CCR2: variants seen among roughly 807,000 people sequenced by gnomAD.
CCR2 encodes the protein C-C chemokine receptor type 2.
For synonymous variants in CCR2, 183 were observed against 177.1 expected, an observed-to-expected ratio of 1.03 and a Z score of -0.27; for missense variants, 408 against 440.0, an observed-to-expected ratio of 0.93 and a Z score of 0.65.
At chr3:46,356,676 T>C (rs1449548370) in intron 1 of CCR2, among the ~76,000 whole-genome samples, 6 of 152,028 alleles carry the variant, frequency 3.9e-5, no homozygotes, top group Non-Finnish European at 7.4e-5. Flanking sequence ...TCCCAGCAAT[T>C]TGAGAGGCCA....
At position 46,358,273 on chromosome 3, in the gene CCR2, T is replaced by A. The variant is rs200491743; in HGVS notation, c.746T>A (p.Met249Lys). ...HRAVRVIFTI[M>K]IVYFLFWTPY... Reference sequence around the variant, plus strand: ...GCAGTGAGAGTCATCTTCACCATCATGATTGTTTACTTTCTCTTCTGGACT... The same window carrying A: ...GCAGTGAGAGTCATCTTCACCATCAAGATTGTTTACTTTCTCTTCTGGACT... The change falls in exon 2 of 2, where the codon ATG becomes AAG. Residue 249 changes from methionine (M) to lysine (K), a missense_variant. By Grantham distance (95) the Met-to-Lys change is moderately conservative. Transcript: ENST00000445132. 863 of 1,614,058 alleles carry A rather than the reference T, an allele frequency of 5.3e-4. No homozygotes were observed. The highest frequency in any genetic ancestry group is 6.7e-4 in the Non-Finnish European group (791 of 1,180,024).
intron 1 of CCR2, 60 bp from the exon 2 acceptor site, chr3:46,357,417 G>A (rs1701473200): frequency 1.7e-6 from 2 of 1,190,660 alleles, no homozygotes; most frequent in Non-Finnish European, 2.4e-6. Flanking sequence ...CAGACTATTT[G>A]GAAGATCATG....
In CCR2 at chr3:46,359,189, G is replaced by C; in HGVS notation, c.*579G>C. 1 of 1,004,864 alleles carries C rather than the reference G, an allele frequency of 1.0e-6. No individual in the cohort carries two copies. Among genetic ancestry groups the C allele is most frequent in the African/African-American group, 1.7e-5 (1 of 57,360 alleles). The allele number at this position is 1,004,864 out of a possible 1,614,324, so 62.2% of individuals were successfully genotyped here. On this transcript the variant is annotated 3_prime_UTR_variant, in exon 2 of 2. Transcript: ENST00000445132. ...GAGTTTGGGAACTGCAATAACCTGGGAGTTTTGGTGGAGTCCGATGATTCT... is the reference window on the plus strand; with the variant it reads ...GAGTTTGGGAACTGCAATAACCTGGCAGTTTTGGTGGAGTCCGATGATTCT...
At position 46,359,932 on chromosome 3, in the gene CCR2, A is replaced by C; in HGVS notation, c.*1322A>C. ...CACAGATGTGTGATTCACAGTGTGA[A>C]TCTTGGTGTCTACGTTACCAGGCAG... On this transcript the variant is annotated 3_prime_UTR_variant, in exon 2 of 2. Coordinates refer to ENST00000445132, the MANE Select transcript of CCR2 (RefSeq NM_001123396.4). 6.9e-7 allele frequency: 1 copy of C among 1,448,644 alleles called. No homozygotes were observed. The highest frequency in any genetic ancestry group is 9.5e-7 in the Non-Finnish European group (1 of 1,052,050). The allele number at this position is 1,448,644 out of a possible 1,614,324, so 89.7% of individuals were successfully genotyped here.
rs778916097 is a variant in CCR2, at chr3:46,359,772, C to T, written c.*1162C>T. 3.7e-6 allele frequency: 6 copies of T among 1,613,960 alleles called. No homozygotes were observed. Among genetic ancestry groups the T allele is most frequent in the Non-Finnish European group, 5.1e-6 (6 of 1,179,984 alleles). ...AGACCAGGAAAGAATGTGAAAGTGA[C>T]TACACAAGGACTCCTCGATGGTCGT... On this transcript the variant is annotated 3_prime_UTR_variant, in exon 2 of 2. Coordinates refer to ENST00000445132, the MANE Select transcript of CCR2 (RefSeq NM_001123396.4).
Position 46,357,883 on chromosome 3 carries a change from T to G in CCR2, c.356T>G (p.Leu119Arg), listed in dbSNP as rs113340633. 6.8e-6 allele frequency: 11 copies of G among 1,614,126 alleles called. No homozygotes were observed. Among genetic ancestry groups the G allele is most frequent in the Non-Finnish European group, 9.3e-6 (11 of 1,180,032 alleles). Residue 119 changes from leucine (L) to arginine (R), a missense_variant, in exon 2 of 2, where the codon CTG becomes CGG. Transcript: ENST00000445132. ...GCAATGTGCAAATTATTCACAGGGC[T>G]GTATCACATCGGTTATTTTGGCGGA... ...GNAMCKLFTG[L>R]YHIGYFGGIF...
Position 46,357,769 on chromosome 3 carries a change from T to C in CCR2, c.242T>C (p.Leu81Pro). 1.9e-6 allele frequency: 3 copies of C among 1,614,216 alleles called. No individual in the cohort carries two copies. Among genetic ancestry groups the C allele is most frequent in the Non-Finnish European group, 2.5e-6 (3 of 1,180,032 alleles). ...KKLKCLTDIY[L>P]LNLAISDLLF... ...CTGAAGTGCTTGACTGACATTTACC[T>C]GCTCAACCTGGCCATCTCTGATCTG... Residue 81 changes from leucine to proline, a missense_variant, in exon 2 of 2, where the codon CTG becomes CCG. Physicochemically the swap from Leu to Pro is moderately conservative, Grantham distance 98. Transcript: ENST00000445132.
chr3:46,359,113 A>G lies in CCR2; in HGVS notation c.*503A>G. 2.0e-6 allele frequency: 2 copies of G among 1,008,914 alleles called. No homozygotes were observed. The highest frequency in any genetic ancestry group is 2.4e-6 in the Non-Finnish European group (2 of 835,202). The allele number at this position is 1,008,914 out of a possible 1,614,324, so 62.5% of individuals were successfully genotyped here. A position where few individuals can be genotyped will look rare whatever the true frequency, so the allele number is the denominator to read the frequency against. Reference sequence around the variant, plus strand: ...CAGCCAGGAGATGATACTGGTCCTTAGCCCCATCTGCCACGTGTATTTAAC... The same window carrying G: ...CAGCCAGGAGATGATACTGGTCCTTGGCCCCATCTGCCACGTGTATTTAAC... On this transcript the variant is annotated 3_prime_UTR_variant, in exon 2 of 2. Transcript: ENST00000445132.
At position 46,358,435 on chromosome 3, in the gene CCR2, T is replaced by A. The variant is rs751973385; in HGVS notation, c.908T>A (p.Ile303Asn). 10 of 1,613,916 alleles carry A rather than the reference T, an allele frequency of 6.2e-6. No homozygotes were observed. The change falls in exon 2 of 2, where the codon ATC (isoleucine) becomes AAC (asparagine). Residue 303 changes from isoleucine to asparagine, a missense_variant. Transcript: ENST00000445132. The stretch of plus-strand genomic sequence containing the variant: ...ATGACTCACTGCTGCATCAATCCCA[T>A]CATCTATGCCTTCGTTGGGGAGAAG... ...LGMTHCCINP[I>N]IYAFVGEKFR... is the part of the protein sequence containing the mutation.
Position 46,357,679 on chromosome 3 carries a change from T to A in CCR2, c.152T>A (p.Leu51Gln). 6.2e-7 allele frequency: 1 copy of A among 1,614,178 alleles called. No homozygotes were observed. Among genetic ancestry groups the A allele is most frequent in the South Asian group, 1.1e-5 (1 of 91,082 alleles). Residue 51 changes from leucine (L) to glutamine (Q), a missense_variant, in exon 2 of 2, where the codon CTG becomes CAG. Physicochemically the swap from Leu to Gln is moderately radical, Grantham distance 113 (BLOSUM62 -2). Transcript: ENST00000445132. ...GAQLLPPLYS[L>Q]VFIFGFVGNM... ...CAACTCCTGCCTCCGCTCTACTCGC[T>A]GGTGTTCATCTTTGGTTTTGTGGGC...
At position 46,360,047 on chromosome 3, in the gene CCR2, G is replaced by A. The variant is rs541727099; in HGVS notation, c.*1437G>A. ...TTCCTCATTTTTGAATACAGGCATA[G>A]AGTTCAGACTTTTTTTAAATAGTAA... is the stretch of plus-strand genomic sequence containing the variant. On this transcript the variant is annotated 3_prime_UTR_variant, in exon 2 of 2. Coordinates refer to ENST00000445132, the MANE Select transcript of CCR2 (RefSeq NM_001123396.4). 1.4e-5 allele frequency: 8 copies of A among 559,062 alleles called. No individual in the cohort carries two copies. The South Asian group carries it at 2.0e-4, about 14-fold the overall frequency. 34.6% of individuals were successfully genotyped at this position (559,062 alleles called of 1,614,324 possible).
rs1417398061 is a variant in CCR2 at position 46,359,647 on chromosome 3, A to G, written c.*1037A>G. The G allele has an allele frequency of 1.3e-6, 2 of 1,588,880 alleles. No homozygotes were observed. On this transcript the variant is annotated 3_prime_UTR_variant, in exon 2 of 2. Transcript: ENST00000445132. Reference sequence around the variant, plus strand: ...TGTGCTTGCTTTTCCCTGCCTTGCCACTCCCCTCACTCTTCTCTTTTCCCC... The same window carrying G: ...TGTGCTTGCTTTTCCCTGCCTTGCCGCTCCCCTCACTCTTCTCTTTTCCCC...
At chr3:46,356,475 A>G (rs923013971) in intron 1 of CCR2, among the ~76,000 whole-genome samples, 1 of 152,184 alleles carries the variant, frequency 6.6e-6, no homozygotes, top group Non-Finnish European at 1.5e-5. Flanking sequence ...AGGATCAAAT[A>G]CTTGAAGAGG....
rs368150580 is a variant in CCR2, at chr3:46,359,789, G to A, written c.*1179G>A. The A allele has an allele frequency of 2.5e-6, 4 of 1,614,044 alleles. No individual in the cohort carries two copies. The highest frequency in any genetic ancestry group is 1.7e-5 in the Admixed American group (1 of 60,008). ...GAAAGTGACTACACAAGGACTCCTC[G>A]ATGGTCGTGGAAAAGGAAAGTCAAT... On this transcript the variant is annotated 3_prime_UTR_variant, in exon 2 of 2. Coordinates refer to ENST00000445132, the MANE Select transcript of CCR2 (RefSeq NM_001123396.4).
In CCR2 at chr3:46,357,840, G is replaced by C; in HGVS notation, c.313G>C (p.Glu105Gln). ...ATTGTGGGCTCACTCTGCTGCAAAT[G>C]AGTGGGTCTTTGGGAATGCAATGTG... Reference protein sequence around the residue: ...LPLWAHSAANEWVFGNAMCKL... With the variant: ...LPLWAHSAANQWVFGNAMCKL... Residue 105 changes from glutamate (E) to glutamine (Q), a missense_variant, in exon 2 of 2, where the codon GAG becomes CAG. Physicochemically the swap from Glu to Gln is conservative, Grantham distance 29. Transcript: ENST00000445132. 1 of 1,614,226 alleles carries C rather than the reference G, an allele frequency of 6.2e-7. No individual in the cohort carries two copies. The highest frequency in any genetic ancestry group is 8.5e-7 in the Non-Finnish European group (1 of 1,180,038).
Position 46,359,492 on chromosome 3 carries a change from C to A in CCR2, c.*882C>A. 1.0e-6 allele frequency: 1 copy of A among 993,132 alleles called. No individual in the cohort carries two copies. Among genetic ancestry groups the A allele is most frequent in the Non-Finnish European group, 1.4e-6 (1 of 712,576 alleles). 61.5% of individuals were successfully genotyped at this position (993,132 alleles called of 1,614,324 possible). A position where few individuals can be genotyped will look rare whatever the true frequency, so the allele number is the denominator to read the frequency against. On this transcript the variant is annotated 3_prime_UTR_variant, in exon 2 of 2. Coordinates refer to ENST00000445132, the MANE Select transcript of CCR2 (RefSeq NM_001123396.4). ...GGTGGAGAATGATGAGTTCCTTCAC[C>A]AGGAGCAAAGGACGGGGATCGTGTG... is the stretch of plus-strand genomic sequence containing the variant.
rs1192948982 is a variant in CCR2 at position 46,359,215 on chromosome 3, CTT to C, written c.*608_*609del. 2 of 1,004,740 alleles carry C rather than the reference CTT, an allele frequency of 2.0e-6. No individual in the cohort carries two copies. Among genetic ancestry groups the C allele is most frequent in the African/African-American group, 3.5e-5 (2 of 57,280 alleles). 62.2% of individuals were successfully genotyped at this position (1,004,740 alleles called of 1,614,324 possible). A position where few individuals can be genotyped will look rare whatever the true frequency, so the allele number is the denominator to read the frequency against. On this transcript the variant is annotated 3_prime_UTR_variant, in exon 2 of 2. Transcript: ENST00000445132. ...AGTTTTGGTGGAGTCCGATGATTCT[CTT>C]TTGCATAAGTGCATGACATATTTTT... is the stretch of plus-strand genomic sequence containing the variant.
At position 46,358,488 on chromosome 3, in the gene CCR2, C is replaced by T. The variant is rs769801113; in HGVS notation, c.961C>T (p.Arg321Ter). The stretch of plus-strand genomic sequence containing the variant: ...CAGAAGGTATCTCTCGGTGTTCTTC[C>T]GAAAGCACATCACCAAGCGCTTCTG... ...KFRRYLSVFFRKHITKRFCKQ... is the reference protein window; with the variant it reads ...KFRRYLSVFF The change falls in exon 2 of 2, where the codon CGA becomes TGA. Residue 321 changes from arginine to a stop codon, truncating the protein, a stop_gained. Transcript: ENST00000445132. LOFTEE classifies it low-confidence loss of function (END_TRUNC). The T allele has an allele frequency of 4.2e-5, 68 of 1,613,312 alleles. No homozygotes were observed. The highest frequency in any genetic ancestry group is 8.3e-5 in the Admixed American group (5 of 59,998).
chr3:46,357,462 G>T lies in CCR2; in HGVS notation c.-51-15G>T. ...GTTTGTGTTGTGTGGTCATCATTTT[G>T]TTCTTTGTTTACAGAACAGAGAAAG... On this transcript the variant is annotated splice_polypyrimidine_tract_variant and intron_variant, in intron 1 of 1. Coordinates refer to ENST00000445132, the MANE Select transcript of CCR2 (RefSeq NM_001123396.4). 3 of 1,530,842 alleles carry T rather than the reference G, an allele frequency of 2.0e-6. No individual in the cohort carries two copies. Among genetic ancestry groups the T allele is most frequent in the Non-Finnish European group, 2.7e-6 (3 of 1,121,150 alleles). The allele number at this position is 1,530,842 out of a possible 1,614,324, so 94.8% of individuals were successfully genotyped here.
Sources: gnomAD v4.1 joint callset for allele counts (sites outside exome capture counted in the v4.1 genomes callset) on GRCh38, gnomAD v4.1.1 for gene constraint, MANE v1.5 for transcripts, NCBI Gene and HGNC (gene_info 2026-07-23, HGNC 2026-07-21) for gene names.